RBFOX1: variants seen among roughly 807,000 people sequenced by gnomAD.
RBFOX1 encodes RNA binding protein fox-1 homolog 1.
RBFOX1 carries 8 observed loss-of-function variants against 57.7 expected under a neutral mutation model. The ratio of observed to expected loss-of-function variants is 0.14; its 90% CI spans 0.08 to 0.25. RBFOX1 has a LOEUF of 0.25. Among genes scored for constraint, RBFOX1 ranks in the 10% least tolerant of loss-of-function variants. The pLI, the probability that RBFOX1 is intolerant of heterozygous loss-of-function variation, is 1.00. For missense variants in RBFOX1, 611 were observed against 548.5 expected (o/e 1.11, Z -1.14); for synonymous variants, 326 against 222.4 (o/e 1.47, Z -4.15).
intron 1 of RBFOX1, among the ~76,000 whole-genome samples, chr16:6,025,406 T>G (rs1337449127): frequency 1.3e-5 from 2 of 152,214 alleles, no homozygotes; most frequent in African/African-American, 4.8e-5. Context: ...GTTCTTTGTG[T>G]GAGGGTGGAA....
chr16:7,275,316 T>G (rs1474053075), intron 4 of RBFOX1, among the ~76,000 whole-genome samples: 1 of 152,234 alleles, frequency 6.6e-6, no homozygotes, highest in East Asian at 1.9e-4. Flanking sequence ...TATATAATAT[T>G]CAAATGTGTT....
chr16:6,578,437 G>GA (rs2097479030), intron 2 of RBFOX1, among the ~76,000 whole-genome samples: 1 of 152,136 alleles, frequency 6.6e-6, no homozygotes, highest in Non-Finnish European at 1.5e-5. Context: ...CTGGGTAGCT[G>GA]ATGGAACAGT....
intron 3 of RBFOX1, among the ~76,000 whole-genome samples, chr16:6,829,432 C>A (rs1366423691): frequency 6.8e-6 from 1 of 146,792 alleles, no homozygotes; most frequent in African/African-American, 2.5e-5. Context: ...TTGTAGATTT[C>A]TTGGGTAAGT....
chr16:7,579,703 G>T, intron 5 of RBFOX1, 74 bp from the exon 6 acceptor site: 1 of 1,572,456 alleles, frequency 6.4e-7, no homozygotes, highest in South Asian at 1.1e-5. Flanking sequence ...TGCCACTCAT[G>T]GCAAGCAAAA....
At chr16:6,863,706 C>T (rs1376263251) in intron 3 of RBFOX1, among the ~76,000 whole-genome samples, 1 of 104,096 alleles carries the variant, frequency 9.6e-6, no homozygotes, top group South Asian at 3.2e-4. Flanking sequence ...TGACCGGAAG[C>T]ACAAATTGGA....
chr16:7,551,981 G>C (rs570123984), intron 5 of RBFOX1, among the ~76,000 whole-genome samples: 1 of 152,246 alleles, frequency 6.6e-6, no homozygotes, highest in South Asian at 2.1e-4. Context: ...TGCAAAGGCC[G>C]TGTGTCCACA....
At chr16:6,730,247 G>T (rs996210192) in intron 3 of RBFOX1, among the ~76,000 whole-genome samples, 1 of 152,096 alleles carries the variant, frequency 6.6e-6, no homozygotes, top group Non-Finnish European at 1.5e-5. Context: ...ATAGGGAGAT[G>T]GTAGAACCGT....
chr16:6,531,021 C>T (rs1228562891), intron 2 of RBFOX1, among the ~76,000 whole-genome samples: 1 of 152,182 alleles, frequency 6.6e-6, no homozygotes, highest in African/African-American at 2.4e-5. Context: ...CCATTGTCCC[C>T]CACCTTGCAG....
chr16:7,153,062 T>C (rs1386054406), intron 4 of RBFOX1, among the ~76,000 whole-genome samples: 2 of 152,220 alleles, frequency 1.3e-5, no homozygotes, highest in African/African-American at 4.8e-5. Context: ...TGTAGAACCA[T>C]GGCATGGTCT....
intron 2 of RBFOX1, among the ~76,000 whole-genome samples, chr16:6,571,870 C>T (rs1170986269): frequency 1.3e-5 from 2 of 152,056 alleles, no homozygotes; most frequent in South Asian, 4.1e-4. Context: ...GATGATATTT[C>T]TTTTCTTAGT....
chr16:7,710,886 T>TTTTTTTTCC lies in RBFOX1; in HGVS notation c.*146_*147insTTCCTTTTT. On this transcript the variant is annotated 3_prime_UTR_variant, in exon 16 of 16. Coordinates refer to ENST00000550418, the MANE Select transcript of RBFOX1 (RefSeq NM_018723.4). ...CAAATAAAAAGGAAAAAAAATTACA[T>TTTTTTTTCC]TTTTTATCTTATACCTCAGATATTT... 1 of 888,834 alleles carries TTTTTTTTCC rather than the reference T, an allele frequency of 1.1e-6. No homozygotes were observed. Among genetic ancestry groups the TTTTTTTTCC allele is most frequent in the Non-Finnish European group, 1.5e-6 (1 of 657,492 alleles). 55.1% of individuals were successfully genotyped at this position (888,834 alleles called of 1,614,324 possible). A position where few individuals can be genotyped will look rare whatever the true frequency, so the allele number is the denominator to read the frequency against.
chr16:7,047,161 CTTG>C (rs893551913), intron 3 of RBFOX1, among the ~76,000 whole-genome samples: 3 of 149,728 alleles, frequency 2.0e-5, no homozygotes, highest in Non-Finnish European at 4.4e-5. Flanking sequence ...CTCTTCCTTT[CTTG>C]TTGTTTGAAG....
chr16:6,773,002 A>ATGTG lies in RBFOX1; in HGVS notation c.-16+118365_-16+118368dup, dbSNP rs138195500. Among the ~76,000 whole-genome samples the ATGTG allele has an allele frequency of 5.2e-3, 383 of 73,762 alleles. 3 individuals carry two copies. The highest frequency in any genetic ancestry group is 0.016 in the African/African-American group (360 of 23,000). The allele number at this position is 73,762 out of a possible 152,430, so 48.4% of individuals were successfully genotyped here. A position where few individuals can be genotyped will look rare whatever the true frequency, so the allele number is the denominator to read the frequency against. The stretch of plus-strand genomic sequence containing the variant: ...GCGTGTGTGTGGGTGTGGGGTGCAT[A>ATGTG]TGTGTGTGTGTGTGTGATTGTATTT... On this transcript the variant is annotated intron_variant, in intron 3 of 15. Transcript: ENST00000550418.
intron 3 of RBFOX1, among the ~76,000 whole-genome samples, chr16:6,959,292 G>C (rs1270429749): frequency 2.0e-5 from 3 of 152,136 alleles, no homozygotes; most frequent in African/African-American, 7.2e-5. Flanking sequence ...AGCCAGTACA[G>C]TCATATTAAA....
intron 2 of RBFOX1, among the ~76,000 whole-genome samples, chr16:5,472,525 A>G (rs528991724): frequency 1.3e-5 from 2 of 152,204 alleles, no homozygotes; most frequent in Admixed American, 6.5e-5. Context: ...GCTCTTTTTA[A>G]TGCTATCCCA....
chr16:7,455,881 GAT>G (rs1293835619), intron 4 of RBFOX1, among the ~76,000 whole-genome samples: 1 of 151,422 alleles, frequency 6.6e-6, no homozygotes, highest in Non-Finnish European at 1.5e-5. Context: ...GAGCCACTGT[GAT>G]GTCTAAGATT....
At chr16:6,460,531 C>G (rs867097124) in intron 2 of RBFOX1, among the ~76,000 whole-genome samples, 27 of 151,228 alleles carry the variant, frequency 1.8e-4, no homozygotes, top group African/African-American at 6.1e-4. Flanking sequence ...AGATGCAAAT[C>G]AAAACCACAA....
At chr16:5,964,982 A>C (rs1375171622) in intron 4 of RBFOX1, among the ~76,000 whole-genome samples, 1 of 152,156 alleles carries the variant, frequency 6.6e-6, no homozygotes. Context: ...TCTATTTGTG[A>C]CAACATGGAT....
chr16:5,476,162 C>T (rs1386205817), intron 2 of RBFOX1, among the ~76,000 whole-genome samples: 1 of 152,026 alleles, frequency 6.6e-6, no homozygotes, highest in African/African-American at 2.4e-5. Flanking sequence ...CCCTGGGCAC[C>T]CTTGTTAAAA....
Sources: allele counts gnomAD v4.1 joint callset (sites outside exome capture counted in the v4.1 genomes callset), GRCh38; gene constraint gnomAD v4.1.1; transcripts MANE v1.5; gene names NCBI Gene and HGNC (gene_info 2026-07-23, HGNC 2026-07-21).